Variants in ME3 observed in about 807,000 individuals in gnomAD.
ME3 encodes NADP-dependent malic enzyme, mitochondrial.
A neutral mutation model predicts 68.9 loss-of-function variants in ME3; 48 were observed. That is an observed-to-expected ratio of 0.70 (90% CI 0.55 to 0.89). The LOEUF (loss-of-function observed/expected upper bound fraction) is 0.89. Among genes scored for constraint, ME3 ranks in the 40% least tolerant of loss-of-function variants. ME3 has a pLI of 0.00. For missense variants in ME3, 675 were observed against 797.4 expected, an observed-to-expected ratio of 0.85 and a Z score of 1.85; for synonymous variants, 320 against 318.8, an observed-to-expected ratio of 1.00 and a Z score of -0.04.
intron 2 of ME3, among the ~76,000 whole-genome samples, chr11:86,643,724 T>C (rs1944818325): frequency 6.6e-6 from 1 of 152,202 alleles, no homozygotes; most frequent in Non-Finnish European, 1.5e-5. Context: ...AGTCTGTCTG[T>C]TCTTTACACT....
At chr11:86,603,718 A>G (rs914669799) in intron 2 of ME3, among the ~76,000 whole-genome samples, 10 of 152,096 alleles carry the variant, frequency 6.6e-5, no homozygotes, top group African/African-American at 1.7e-4. Flanking sequence ...ATGATAGACT[A>G]GATTAAGAAA....
intron 2 of ME3, among the ~76,000 whole-genome samples, chr11:86,669,642 G>T (rs2135529424): frequency 6.6e-6 from 1 of 152,218 alleles, no homozygotes; most frequent in Middle Eastern, 3.4e-3. Flanking sequence ...CCTCCCACAG[G>T]GTTCCTTCCA....
chr11:86,550,320 G>A (rs1023005412), intron 4 of ME3, among the ~76,000 whole-genome samples: 2 of 152,088 alleles, frequency 1.3e-5, no homozygotes, highest in Admixed American at 6.6e-5. Context: ...AAGAGATCAC[G>A]GAAGCCATGC....
At chr11:86,497,117 G>C (rs1488268052) in intron 6 of ME3, among the ~76,000 whole-genome samples, 1 of 152,072 alleles carries the variant, frequency 6.6e-6, no homozygotes, top group Non-Finnish European at 1.5e-5. Flanking sequence ...CCCAGTAGCT[G>C]GGATTACAGG....
At chr11:86,507,859 C>T (rs1369529037) in intron 5 of ME3, among the ~76,000 whole-genome samples, 3 of 151,984 alleles carry the variant, frequency 2.0e-5, no homozygotes, top group Non-Finnish European at 4.4e-5. Flanking sequence ...GTGGCCCATG[C>T]CTGTCGTCCC....
intron 2 of ME3, among the ~76,000 whole-genome samples, chr11:86,665,690 G>T (rs1946547970): frequency 6.6e-6 from 1 of 152,206 alleles, no homozygotes; most frequent in Non-Finnish European, 1.5e-5. Context: ...GAGGAGACCA[G>T]CCAGGAGGCT....
chr11:86,554,151 T>G (rs1479999015), intron 4 of ME3, among the ~76,000 whole-genome samples: 5 of 152,216 alleles, frequency 3.3e-5, no homozygotes, highest in Non-Finnish European at 5.9e-5. Context: ...ACAAGCCTGT[T>G]GCATATGCAA....
intron 4 of ME3, among the ~76,000 whole-genome samples, chr11:86,524,549 A>T (rs765336143): frequency 1.3e-5 from 2 of 152,198 alleles, no homozygotes; most frequent in Non-Finnish European, 2.9e-5. Context: ...AATCCATTTT[A>T]TGCTAGCATT....
intron 2 of ME3, among the ~76,000 whole-genome samples, chr11:86,582,694 A>G (rs987923947): frequency 2.0e-5 from 3 of 152,196 alleles, no homozygotes; most frequent in Non-Finnish European, 2.9e-5. Flanking sequence ...CTTAAAATAT[A>G]AAAACTGCAT....
intron 7 of ME3, among the ~76,000 whole-genome samples, chr11:86,487,030 C>T (rs1951732860): frequency 6.6e-6 from 1 of 152,180 alleles, no homozygotes; most frequent in Admixed American, 6.5e-5. Context: ...GTGCTGAGAA[C>T]CCTAAACAGC....
intron 6 of ME3, among the ~76,000 whole-genome samples, chr11:86,495,533 G>C (rs1952269861): frequency 6.6e-6 from 1 of 152,218 alleles, no homozygotes; most frequent in South Asian, 2.1e-4. Context: ...ATTAAATCCA[G>C]CTGGAACACA....
intron 2 of ME3, among the ~76,000 whole-genome samples, chr11:86,602,498 A>C (rs1345952271): frequency 6.6e-6 from 1 of 152,174 alleles, no homozygotes; most frequent in Non-Finnish European, 1.5e-5. Context: ...ATGGGTAGGA[A>C]GAATCAATAT....
rs962236379 is a variant in ME3 at position 86,457,846 on chromosome 11, G to A, written c.919+7245C>T. ...TCCTGCAAACTGAGTACTTGAGGTTGTAGCTTCAGGAAATAGCACAAAAGG... is the reference window on the plus strand; with the variant it reads ...TCCTGCAAACTGAGTACTTGAGGTTATAGCTTCAGGAAATAGCACAAAAGG... On this transcript the variant is annotated intron_variant, in intron 8 of 14. Transcript: ENST00000543262. The A allele has an allele frequency of 2.6e-5, 31 of 1,192,304 alleles. No individual in the cohort carries two copies. In the Admixed American group the frequency reaches 6.8e-4, roughly 26 times the overall value. 73.9% of individuals were successfully genotyped at this position (1,192,304 alleles called of 1,614,324 possible).
intron 5 of ME3, among the ~76,000 whole-genome samples, chr11:86,502,579 T>C (rs577172892): frequency 6.6e-6 from 1 of 152,326 alleles, no homozygotes; most frequent in East Asian, 1.9e-4. Context: ...CACCCTGTTT[T>C]TCGTGACATC....
chr11:86,502,406 G>T (rs1001804395), intron 5 of ME3, among the ~76,000 whole-genome samples: 1 of 152,204 alleles, frequency 6.6e-6, no homozygotes, highest in African/African-American at 2.4e-5. Flanking sequence ...GTAATGGGTT[G>T]TGTCATCTTT....
chr11:86,633,353 T>G (rs1419135920), intron 2 of ME3, among the ~76,000 whole-genome samples: 1 of 152,232 alleles, frequency 6.6e-6, no homozygotes, highest in Non-Finnish European at 1.5e-5. Flanking sequence ...AACCCTATTT[T>G]GTAGATCAGG....
At chr11:86,446,283 C>A (rs771875469) in intron 13 of ME3, 31 bp downstream of exon 13, 5 of 1,611,402 alleles carry the variant, frequency 3.1e-6, no homozygotes, top group Non-Finnish European at 4.2e-6. Flanking sequence ...GACCCTACTG[C>A]AAGCATTTGA....
intron 2 of ME3, among the ~76,000 whole-genome samples, chr11:86,622,337 C>T (rs1943399137): frequency 6.6e-6 from 1 of 151,906 alleles, no homozygotes; most frequent in South Asian, 2.1e-4. Flanking sequence ...TTACATACTA[C>T]AGACACTGCC....
intron 4 of ME3, among the ~76,000 whole-genome samples, chr11:86,523,193 A>G (rs1181764700): frequency 6.6e-6 from 1 of 152,246 alleles, no homozygotes; most frequent in Non-Finnish European, 1.5e-5. Context: ...AGAAAGAAGA[A>G]AAAAAGAAGC....
Sources: allele counts gnomAD v4.1 joint callset (sites outside exome capture counted in the v4.1 genomes callset), GRCh38; gene constraint gnomAD v4.1.1; transcripts MANE v1.5; gene names NCBI Gene and HGNC (gene_info 2026-07-23, HGNC 2026-07-21).